Variants in RBAK observed in about 807,000 individuals in gnomAD.
RBAK encodes the protein RB associated KRAB zinc finger.
RBAK carries 39 observed loss-of-function variants against 65.8 expected under a neutral mutation model. The ratio of observed to expected loss-of-function variants is 0.59; its 90% confidence interval spans 0.46 to 0.77. The LOEUF is 0.77. Ranked by LOEUF, RBAK falls within the 30% of genes least tolerant of loss-of-function variation. RBAK has a pLI of 0.00. For synonymous variants in RBAK, 343 were observed against 289.7 expected, an observed-to-expected ratio of 1.18 and a Z score of -1.87; for missense variants, 884 against 855.1, an observed-to-expected ratio of 1.03 and a Z score of -0.42.
intron 2 of RBAK, among the ~76,000 whole-genome samples, chr7:5,054,269 C>A (rs1271222292): frequency 6.6e-6 from 1 of 151,928 alleles, no homozygotes. Flanking sequence ...GCCAGGCATG[C>A]TGGTACACGC....
rs1324390523 is a variant in RBAK at position 5,064,122 on chromosome 7, T to C, written c.666T>C (p.Ala222=). ...TAGACAATGAGGCTGTTTTTATTGC[T>C]CATAAGAGAGCTTACATAGGGGAGA... ...EALDNEAVFI[A]HKRAYIGEKP... is the part of the protein sequence containing the mutation. Residue 222 remains alanine, a synonymous_variant, in exon 5 of 5, where the codon GCT becomes GCC. Transcript: ENST00000396912. The surrounding 1 kb of genome is among the most constrained non-coding windows in gnomAD (Gnocchi z 6.3). 1.2e-6 allele frequency: 2 copies of C among 1,613,980 alleles called. No homozygotes were observed. The highest frequency in any genetic ancestry group is 1.7e-5 in the Admixed American group (1 of 60,010).
At chr7:5,047,921 G>A in intron 1 of RBAK, 112 bp from the exon 2 acceptor site, 1 of 552,206 alleles carries the variant, frequency 1.8e-6, no homozygotes, top group Non-Finnish European at 3.2e-6. Context: ...CAGGCTGAGT[G>A]TTCACAGGGT....
At position 5,058,231 on chromosome 7, in the gene RBAK, C is replaced by T. The variant is rs1017256445; in HGVS notation, c.238+452C>T. Among the ~76,000 whole-genome samples the T allele has an allele frequency of 2.9e-4, 44 of 152,084 alleles. 1 individual carries two copies. The highest frequency in any genetic ancestry group is 2.1e-4 in the South Asian group (1 of 4,816). On this transcript the variant is annotated intron_variant, in intron 4 of 4. Coordinates refer to ENST00000396912, the MANE Select transcript of RBAK (RefSeq NM_021163.4). ...CTGGGATTACAGGCACATGCCACCA[C>T]GCCTGGCTAATTTTTATATTTTTAG...
rs1293922370 is a variant in RBAK, at chr7:5,047,104, A to G, written c.-45+708A>G. On this transcript the variant is annotated intron_variant, in intron 1 of 4. Coordinates refer to ENST00000396912, the MANE Select transcript of RBAK (RefSeq NM_021163.4). ...TGATTTTAAGCAGTTTAAAGAGACA[A>G]TAAGAAAATGCGGGCCGGATGCAGT... Among the ~76,000 whole-genome samples, 6 of 152,214 alleles carry G rather than the reference A, an allele frequency of 3.9e-5. No homozygotes were observed. In the East Asian group the frequency reaches 7.7e-4, roughly 20 times the overall value.
chr7:5,053,442 T>A lies in RBAK; in HGVS notation c.16-3853T>A, dbSNP rs547770952. On this transcript the variant is annotated intron_variant, in intron 2 of 4. Transcript: ENST00000396912. ...TTATCACTAGTTTTGGGTAATTTGA[T>A]TGCAATATGTCATGGTATCATTTTT... is the stretch of plus-strand genomic sequence containing the variant. Among the ~76,000 whole-genome samples the A allele has an allele frequency of 2.2e-3, 330 of 152,340 alleles. 3 individuals are homozygous for A. Among genetic ancestry groups the A allele is most frequent in the African/African-American group, 7.6e-3 (318 of 41,584 alleles).
chr7:5,046,726 T>C lies in RBAK; in HGVS notation c.-45+330T>C, dbSNP rs371143575. 3.9e-5 allele frequency among the ~76,000 whole-genome samples: 6 copies of C among 152,324 alleles called. No individual in the cohort carries two copies. The South Asian group carries it at 1.0e-3, about 26-fold the overall frequency. ...GTCCGTCAGCGCCTCTGTTCTCTCA[T>C]TTAAGTGTCTGCTGATTCCCCCCTT... On this transcript the variant is annotated intron_variant, in intron 1 of 4. Transcript: ENST00000396912.
At chr7:5,057,542 T>G in intron 3 of RBAK, 121 bp downstream of exon 3, 1 of 1,594,952 alleles carries the variant, frequency 6.3e-7, no homozygotes, top group Non-Finnish European at 8.5e-7. Flanking sequence ...TTTATATTAT[T>G]ATTCATTGAA....
intron 2 of RBAK, among the ~76,000 whole-genome samples, chr7:5,053,817 C>A (rs543620620): frequency 6.6e-6 from 1 of 152,118 alleles, no homozygotes; most frequent in East Asian, 1.9e-4. Context: ...TTACATCTTG[C>A]CTGTCTCAAT....
intron 4 of RBAK, among the ~76,000 whole-genome samples, chr7:5,060,026 T>C (rs190141312): frequency 1.6e-4 from 24 of 152,342 alleles, no homozygotes; most frequent in African/African-American, 5.3e-4. Context: ...GTATAAGCTC[T>C]GATAGGAGTA....
At chr7:5,052,327 A>G (rs1026354045) in intron 2 of RBAK, among the ~76,000 whole-genome samples, 1 of 152,130 alleles carries the variant, frequency 6.6e-6, no homozygotes, top group African/African-American at 2.4e-5. Context: ...ATAATTGGGG[A>G]TGTATAGACT....
chr7:5,059,505 A>T (rs997225168), intron 4 of RBAK, among the ~76,000 whole-genome samples: 3 of 147,940 alleles, frequency 2.0e-5, no homozygotes, highest in African/African-American at 2.5e-5. Flanking sequence ...TATTTTTATT[A>T]AAAAAAAAAC....
chr7:5,064,677 G>A lies in RBAK; in HGVS notation c.1221G>A (p.Gly407=). The change falls in exon 5 of 5, where the codon GGG becomes GGA. Residue 407 remains glycine, a synonymous_variant. Transcript: ENST00000396912. The surrounding 1 kb of genome is among the most constrained non-coding windows in gnomAD (Gnocchi z 6.3). Reference sequence around the variant, plus strand: ...AGCTTTATAAATGTAATGAATGTGGGAAATCCTACTACCGAAAGTCTACTC... The same window carrying A: ...AGCTTTATAAATGTAATGAATGTGGAAAATCCTACTACCGAAAGTCTACTC... ...GEKLYKCNEC[G]KSYYRKSTLI... The A allele has an allele frequency of 1.2e-6, 2 of 1,612,102 alleles. No homozygotes were observed. Among genetic ancestry groups the A allele is most frequent in the Non-Finnish European group, 1.7e-6 (2 of 1,178,508 alleles).
Position 5,046,065 on chromosome 7 carries a change from G to T in RBAK, c.-376G>T. 3.5e-6 allele frequency: 1 copy of T among 283,856 alleles called. No individual in the cohort carries two copies. The highest frequency in any genetic ancestry group is 6.7e-6 in the Non-Finnish European group (1 of 148,788). 17.6% of individuals were successfully genotyped at this position (283,856 alleles called of 1,614,324 possible). ...GGGACCCCCGAGCTTGAGCCCCGGAGCCGGCGGCGCTGGGGCCAGAGGGGC... is the reference window on the plus strand; with the variant it reads ...GGGACCCCCGAGCTTGAGCCCCGGATCCGGCGGCGCTGGGGCCAGAGGGGC... On this transcript the variant is annotated 5_prime_UTR_variant, in exon 1 of 5. Coordinates refer to ENST00000396912, the MANE Select transcript of RBAK (RefSeq NM_021163.4).
chr7:5,063,444 A>G (rs1368904063), intron 4 of RBAK, among the ~76,000 whole-genome samples: 2 of 143,358 alleles, frequency 1.4e-5, no homozygotes, highest in East Asian at 4.3e-4. Context: ...TTACTCTTCT[A>G]TTTTCTACCA....
rs756975794 is a variant in RBAK, at chr7:5,063,976, G to A, written c.520G>A (p.Gly174Arg). 5.4e-5 allele frequency: 87 copies of A among 1,613,616 alleles called. No individual in the cohort carries two copies. The highest frequency in any genetic ancestry group is 7.3e-5 in the Non-Finnish European group (86 of 1,179,876). ...TAATGAATGTGGGAAAACATATCATGGAGAGAAAATGTGTGAATTTAATCA... is the reference window on the plus strand; with the variant it reads ...TAATGAATGTGGGAAAACATATCATAGAGAGAAAATGTGTGAATTTAATCA... ...ECNECGKTYH[G>R]EKMCEFNQNG... Residue 174 changes from glycine (G) to arginine (R), a missense_variant, in exon 5 of 5, where the codon GGA (glycine) becomes AGA (arginine). Coordinates refer to ENST00000396912, the MANE Select transcript of RBAK (RefSeq NM_021163.4).
chr7:5,054,603 A>AT (rs1008176400), intron 2 of RBAK, among the ~76,000 whole-genome samples: 3 of 151,524 alleles, frequency 2.0e-5, no homozygotes, highest in Admixed American at 2.0e-4. Flanking sequence ...TAATATATAT[A>AT]TTTTTTTCTT....
intron 4 of RBAK, among the ~76,000 whole-genome samples, chr7:5,060,951 A>G (rs1376011724): frequency 1.3e-5 from 2 of 152,218 alleles, no homozygotes; most frequent in Admixed American, 1.3e-4. Context: ...AGTACATCAT[A>G]GGGGCAGCTT....
chr7:5,057,552 A>G, intron 3 of RBAK, 131 bp downstream of exon 3: 1 of 1,591,582 alleles, frequency 6.3e-7, no homozygotes, highest in Non-Finnish European at 8.6e-7. Context: ...TATTCATTGA[A>G]AGGTTCTAAC....
At chr7:5,054,480 T>A (rs1185611305) in intron 2 of RBAK, among the ~76,000 whole-genome samples, 1 of 152,084 alleles carries the variant, frequency 6.6e-6, no homozygotes, top group East Asian at 1.9e-4. Flanking sequence ...ATTTTGTTGT[T>A]GCTGCTGTTC....
Sources: gnomAD v4.1 joint callset for allele counts (sites outside exome capture counted in the v4.1 genomes callset) on GRCh38, gnomAD v4.1.1 for gene constraint, Gnocchi (gnomAD v3.1) non-coding constraint, MANE v1.5 for transcripts, NCBI Gene and HGNC (gene_info 2026-07-23, HGNC 2026-07-21) for gene names.